PADI2: variants seen among roughly 807,000 people sequenced by gnomAD.
The protein encoded by PADI2 is protein-arginine deiminase type-2.
PADI2 carries 70 observed loss-of-function variants against 81.1 expected under a neutral mutation model. That is an observed-to-expected ratio of 0.86 (90% confidence interval 0.71 to 1.05). The LOEUF (loss-of-function observed/expected upper bound fraction) is 1.05, where lower values mean the gene tolerates loss of function less well. Ranked by LOEUF, PADI2 falls within the 50% of genes least tolerant of loss-of-function variation. The pLI, the probability that PADI2 is intolerant of heterozygous loss-of-function variation, is 0.00. For synonymous variants in PADI2, 338 were observed against 358.0 expected, an observed-to-expected ratio of 0.94 and a Z score of 0.63; for missense variants, 853 against 889.9, an observed-to-expected ratio of 0.96 and a Z score of 0.53.
intron 7 of PADI2, among the ~76,000 whole-genome samples, chr1:17,085,926 C>A (rs928790336): frequency 6.6e-6 from 1 of 152,200 alleles, no homozygotes; most frequent in South Asian, 2.1e-4. Context: ...GATAGAGATT[C>A]TTGTGAGCAC....
chr1:17,089,180 G>C (rs944760697), intron 6 of PADI2, among the ~76,000 whole-genome samples: 5 of 152,112 alleles, frequency 3.3e-5, no homozygotes, highest in Non-Finnish European at 5.9e-5. Context: ...ATCCTCCCTT[G>C]GGAGGGAGGA....
chr1:17,075,664 G>A lies in PADI2; in HGVS notation c.1455+15C>T, dbSNP rs3818033. 1,015,576 of 1,603,642 alleles carry A rather than the reference G, an allele frequency of 0.63. 324,507 individuals carry two copies. Among genetic ancestry groups the A allele is most frequent in the Middle Eastern group, 0.71 (4,287 of 6,016 alleles). On this transcript the variant is annotated intron_variant, in intron 12 of 15. Coordinates refer to ENST00000375486, the MANE Select transcript of PADI2 (RefSeq NM_007365.3). ...CTGCTACCCCATTCACTCCAGCCTC[G>A]GGAGGCTAGCTTACCTTTGTGCCGG...
intron 1 of PADI2, among the ~76,000 whole-genome samples, chr1:17,111,065 C>T (rs1931562906): frequency 6.6e-6 from 1 of 150,402 alleles, no homozygotes; most frequent in African/African-American, 2.4e-5. Flanking sequence ...TTCCCTGGGC[C>T]CATGGAAAAG....
rs768592470 is a variant in PADI2 at position 17,092,414 on chromosome 1, C to A, written c.649G>T (p.Val217Leu). 6.2e-7 allele frequency: 1 copy of A among 1,605,062 alleles called. No homozygotes were observed. Among genetic ancestry groups the A allele is most frequent in the Non-Finnish European group, 8.5e-7 (1 of 1,176,110 alleles). ...CTGGGCTGGGATCACTCACTCTCCA[C>A]GTAGAACACGCCCACTTTGTCTGAG... is the stretch of plus-strand genomic sequence containing the variant. Reference protein sequence around the residue: ...SDSDKVGVFYVENPFFGQRYI... With the variant: ...SDSDKVGVFYLENPFFGQRYI... Residue 217 changes from valine to leucine, a missense_variant, in exon 6 of 16, where the codon GTG becomes TTG. Physicochemically the swap from Val to Leu is conservative, Grantham distance 32. Coordinates refer to ENST00000375486, the MANE Select transcript of PADI2 (RefSeq NM_007365.3).
chr1:17,100,265 C>A lies in PADI2; in HGVS notation c.349+2722G>T, dbSNP rs114016768. Among the ~76,000 whole-genome samples, 822 of 150,470 alleles carry A rather than the reference C, an allele frequency of 5.5e-3. 10 individuals are homozygous for A. The highest frequency in any genetic ancestry group is 0.02 in the African/African-American group (778 of 39,852). ...TTTCTTTTTGCAATTGAATGACTGT[C>A]TCTTATTCTGTTTTTTGTTTTGTTT... On this transcript the variant is annotated intron_variant, in intron 3 of 15. Coordinates refer to ENST00000375486, the MANE Select transcript of PADI2 (RefSeq NM_007365.3).
intron 6 of PADI2, among the ~76,000 whole-genome samples, chr1:17,090,582 TGTG>T (rs908063418): frequency 3.6e-3 from 3 of 824 alleles, no homozygotes; most frequent in African/African-American, 0.013. Context: ...GTCCTTTGCT[TGTG>T]TGTGTGTGTG....
In PADI2 at chr1:17,084,637, G is replaced by T; in HGVS notation, c.900C>A (p.Thr300=). The T allele has an allele frequency of 6.3e-7, 1 of 1,582,390 alleles. No homozygotes were observed. Among genetic ancestry groups the T allele is most frequent in the Non-Finnish European group, 8.6e-7 (1 of 1,163,970 alleles). ...VIFRIAPWIM[T]PNILPPVSVF... ...CCGACACGGGAGGCAGGATGTTGGGGGTCATGATCCACGGAGCAATCCGGA... is the reference window on the plus strand; with the variant it reads ...CCGACACGGGAGGCAGGATGTTGGGTGTCATGATCCACGGAGCAATCCGGA... The change falls in exon 8 of 16, where the codon ACC becomes ACA. Residue 300 remains threonine, a synonymous_variant. Coordinates refer to ENST00000375486, the MANE Select transcript of PADI2 (RefSeq NM_007365.3).
chr1:17,076,729 A>G (rs1384776548), intron 11 of PADI2, among the ~76,000 whole-genome samples: 1 of 151,704 alleles, frequency 6.6e-6, no homozygotes, highest in Non-Finnish European at 1.5e-5. Context: ...GGTGCCCACC[A>G]CCCCGCCCAG....
intron 10 of PADI2, among the ~76,000 whole-genome samples, chr1:17,080,298 C>T (rs3818028): frequency 0.34 from 51,408 of 152,042 alleles, 9,057 homozygotes; most frequent in East Asian, 0.61. Flanking sequence ...TTGCTTTGGC[C>T]AATGAAATGT....
chr1:17,091,290 G>A (rs7528576), intron 6 of PADI2, among the ~76,000 whole-genome samples: 2,247 of 148,980 alleles, frequency 0.015, 56 homozygotes, highest in African/African-American at 0.053. Context: ...GGCCCCCCTA[G>A]GCAGCTGGGC....
intron 6 of PADI2, among the ~76,000 whole-genome samples, chr1:17,088,607 C>T (rs1930551235): frequency 6.6e-6 from 1 of 151,952 alleles, no homozygotes; most frequent in Admixed American, 6.6e-5. Context: ...TCTGGCTTTA[C>T]AAGCTATAAA....
intron 14 of PADI2, 67 bp from the exon 15 acceptor site, chr1:17,070,283 C>T (rs2078256424): frequency 1.3e-6 from 2 of 1,590,924 alleles, no homozygotes; most frequent in Admixed American, 3.4e-5. Flanking sequence ...TTGTCAACCC[C>T]ATCCCTGTCT....
chr1:17,094,655 C>T (rs1463101561), intron 4 of PADI2, among the ~76,000 whole-genome samples: 2 of 152,176 alleles, frequency 1.3e-5, no homozygotes, highest in South Asian at 2.1e-4. Flanking sequence ...GGGCCTGACC[C>T]GCTCCTGGAA....
rs370879950 is a variant in PADI2, at chr1:17,079,325, C to T, written c.1249G>A (p.Val417Met). 1.9e-6 allele frequency: 3 copies of T among 1,613,980 alleles called. No individual in the cohort carries two copies. Among genetic ancestry groups the T allele is most frequent in the African/African-American group, 1.3e-5 (1 of 74,918 alleles). ...GGGTATGTCTTGCCGTTCACGGTCA[C>T]TGGGGGACTGACCTCCAGGTTTCCA... ...SFGNLEVSPP[V>M]TVNGKTYPLG... is the part of the protein sequence containing the mutation. The change falls in exon 11 of 16, where the codon GTG becomes ATG. Residue 417 changes from valine to methionine, a missense_variant. Physicochemically the swap from Val to Met is conservative, Grantham distance 21 (BLOSUM62 1). Coordinates refer to ENST00000375486, the MANE Select transcript of PADI2 (RefSeq NM_007365.3).
In PADI2 at chr1:17,104,871, G is replaced by A. The variant is rs568433909; in HGVS notation, c.276+7C>T. ...GCCCGCAGAGGCTGGACTTCCCGCCGTGGTACCTTGTCACTGCTGGCCTCG... is the reference window on the plus strand; with the variant it reads ...GCCCGCAGAGGCTGGACTTCCCGCCATGGTACCTTGTCACTGCTGGCCTCG... On this transcript the variant is annotated splice_region_variant and intron_variant, in intron 2 of 15. Transcript: ENST00000375486. 2.2e-5 allele frequency: 35 copies of A among 1,561,762 alleles called. No individual in the cohort carries two copies. Among genetic ancestry groups the A allele is most frequent in the East Asian group, 1.4e-4 (6 of 43,618 alleles).
At chr1:17,071,101 G>GC (rs1308613719) in intron 14 of PADI2, among the ~76,000 whole-genome samples, 2 of 152,176 alleles carry the variant, frequency 1.3e-5, no homozygotes, top group Non-Finnish European at 2.9e-5. Context: ...ACTGTGTCTG[G>GC]CCCCCATTAT....
chr1:17,070,867 G>C (rs1268301621), intron 14 of PADI2, among the ~76,000 whole-genome samples: 1 of 152,110 alleles, frequency 6.6e-6, no homozygotes, highest in Non-Finnish European at 1.5e-5. Flanking sequence ...TCAACATGTT[G>C]GGCATGTTGG....
chr1:17,098,452 A>G (rs891225745), intron 3 of PADI2, among the ~76,000 whole-genome samples: 1 of 152,248 alleles, frequency 6.6e-6, no homozygotes, highest in Non-Finnish European at 1.5e-5. Context: ...CATTTTATTC[A>G]TGTAATATTT....
chr1:17,076,896 A>AC (rs1420556881), intron 11 of PADI2, among the ~76,000 whole-genome samples: 2 of 151,718 alleles, frequency 1.3e-5, no homozygotes, highest in Middle Eastern at 3.2e-3. Flanking sequence ...TCATTTCTAG[A>AC]CCCCCCAAGG....
Sources: allele counts gnomAD v4.1 joint callset (sites outside exome capture counted in the v4.1 genomes callset), GRCh38; gene constraint gnomAD v4.1.1; transcripts MANE v1.5; gene names NCBI Gene and HGNC (gene_info 2026-07-23, HGNC 2026-07-21).